KHDRBS3: variants seen among roughly 807,000 people sequenced by gnomAD.
The protein encoded by KHDRBS3 is KH domain-containing, RNA-binding, signal transduction-associated protein 3.
KHDRBS3 carries 23 observed loss-of-function variants against 45.6 expected under a neutral mutation model. The observed-to-expected ratio is 0.50, with a 90% confidence interval of 0.36 to 0.72. KHDRBS3 has a LOEUF of 0.72. Ranked by LOEUF, KHDRBS3 falls within the 30% of genes least tolerant of loss-of-function variation. The pLI, the probability that KHDRBS3 is intolerant of heterozygous loss-of-function variation, is 0.00. For missense variants in KHDRBS3, 352 were observed against 424.8 expected (o/e 0.83, Z 1.51); for synonymous variants, 162 against 156.5 (o/e 1.04, Z -0.26).
intron 1 of KHDRBS3, among the ~76,000 whole-genome samples, chr8:135,516,921 C>A (rs2317274): frequency 0.66 from 99,798 of 151,910 alleles, 33,704 homozygotes; most frequent in East Asian, 0.96. Context: ...TTTTACATTA[C>A]TAAAATTTTT....
intron 1 of KHDRBS3, among the ~76,000 whole-genome samples, chr8:135,496,747 A>G (rs1050933951): frequency 2.0e-5 from 3 of 152,336 alleles, no homozygotes; most frequent in South Asian, 2.1e-4. Context: ...TGTTAACCCA[A>G]CTGGGCCAGA....
At chr8:135,634,479 A>G (rs1830729810) in intron 7 of KHDRBS3, among the ~76,000 whole-genome samples, 1 of 152,224 alleles carries the variant, frequency 6.6e-6, no homozygotes, top group African/African-American at 2.4e-5. Context: ...TCAATGGAAA[A>G]TTATGTAAAT....
Position 135,565,682 on chromosome 8 carries a change from T to G in KHDRBS3, c.611+8095T>G, listed in dbSNP as rs572624064. ...GAATCTGTGGCTCCCTATCTCTGGC[T>G]CTCTTCCTTCTACAGTTCCTTCCTC... On this transcript the variant is annotated intron_variant, in intron 5 of 8. Transcript: ENST00000355849. Among the ~76,000 whole-genome samples the G allele has an allele frequency of 2.6e-5, 4 of 152,240 alleles. No homozygotes were observed. The East Asian group carries it at 7.8e-4, about 30-fold the overall frequency.
chr8:135,508,377 C>A (rs1235011368), intron 1 of KHDRBS3, among the ~76,000 whole-genome samples: 1 of 152,116 alleles, frequency 6.6e-6, no homozygotes, highest in Non-Finnish European at 1.5e-5. Flanking sequence ...AATCTTCACA[C>A]AAAGGAAATG....
intron 6 of KHDRBS3, among the ~76,000 whole-genome samples, chr8:135,583,934 TTTA>T (rs1281041489): frequency 1.3e-5 from 2 of 152,228 alleles, no homozygotes; most frequent in African/African-American, 2.4e-5. Flanking sequence ...GATTGTTTTA[TTTA>T]TTTTTTATTT....
chr8:135,546,916 C>G (rs1826334047), intron 3 of KHDRBS3, among the ~76,000 whole-genome samples: 1 of 152,104 alleles, frequency 6.6e-6, no homozygotes, highest in South Asian at 2.1e-4. Context: ...GATAAGAAAT[C>G]CTCTCTGTCC....
chr8:135,602,042 T>G (rs1307571793), intron 6 of KHDRBS3, among the ~76,000 whole-genome samples: 1 of 152,178 alleles, frequency 6.6e-6, no homozygotes, highest in African/African-American at 2.4e-5. Context: ...CTTACTCAGC[T>G]CCACTACTCT....
intron 1 of KHDRBS3, among the ~76,000 whole-genome samples, chr8:135,482,757 G>A (rs1314156111): frequency 6.6e-6 from 1 of 152,122 alleles, no homozygotes; most frequent in African/African-American, 2.4e-5. Context: ...ATTTGGGCAA[G>A]TTAGTCTACC....
chr8:135,648,851 T>C (rs1428446867), downstream of KHDRBS3, among the ~76,000 whole-genome samples: 1 of 152,134 alleles, frequency 6.6e-6, no homozygotes, highest in Non-Finnish European at 1.5e-5. Context: ...CAGATTACTT[T>C]CTTCAGAAAA....
intron 5 of KHDRBS3, among the ~76,000 whole-genome samples, chr8:135,565,328 T>C (rs1290778669): frequency 6.6e-6 from 1 of 152,192 alleles, no homozygotes; most frequent in Non-Finnish European, 1.5e-5. Flanking sequence ...TTTTTGAAAC[T>C]GAGATCCCTG....
intron 1 of KHDRBS3, chr8:135,458,562 C>T (rs1244723946): frequency 9.6e-6 from 3 of 311,510 alleles, no homozygotes; most frequent in African/African-American, 2.2e-5. Flanking sequence ...GTCCAGGCTC[C>T]AACAGCCCTG....
intron 3 of KHDRBS3, among the ~76,000 whole-genome samples, chr8:135,548,411 G>A (rs1296833489): frequency 6.6e-6 from 1 of 152,222 alleles, no homozygotes; most frequent in East Asian, 1.9e-4. Flanking sequence ...CACAAAAGAA[G>A]TGTGGGCAGT....
chr8:135,462,827 T>C (rs1314835566), intron 1 of KHDRBS3, among the ~76,000 whole-genome samples: 1 of 152,172 alleles, frequency 6.6e-6, no homozygotes, highest in South Asian at 2.1e-4. Flanking sequence ...TCCTACTGAC[T>C]CTCAGTAACA....
intron 1 of KHDRBS3, among the ~76,000 whole-genome samples, chr8:135,515,567 C>T (rs757868187): frequency 6.6e-6 from 1 of 151,570 alleles, no homozygotes; most frequent in Non-Finnish European, 1.5e-5. Flanking sequence ...ATATATTTAC[C>T]CTCTGGCTTT....
At chr8:135,605,375 TTGAC>T (rs1324784103) in intron 6 of KHDRBS3, among the ~76,000 whole-genome samples, 5 of 152,154 alleles carry the variant, frequency 3.3e-5, no homozygotes, top group African/African-American at 1.2e-4. Context: ...CATCTTCAAG[TTGAC>T]TGAGTTTTTT....
intron 1 of KHDRBS3, among the ~76,000 whole-genome samples, chr8:135,501,378 A>G (rs1346212591): frequency 6.6e-6 from 1 of 152,218 alleles, no homozygotes; most frequent in Non-Finnish European, 1.5e-5. Context: ...GATATGGATC[A>G]TGTTTTAGAC....
chr8:135,491,547 C>T (rs1823151124), intron 1 of KHDRBS3, among the ~76,000 whole-genome samples: 1 of 152,122 alleles, frequency 6.6e-6, no homozygotes, highest in Non-Finnish European at 1.5e-5. Context: ...TAATTTTAAA[C>T]TACATGCAAG....
intron 2 of KHDRBS3, among the ~76,000 whole-genome samples, chr8:135,536,689 G>A (rs1412505855): frequency 2.0e-5 from 3 of 151,990 alleles, no homozygotes; most frequent in Non-Finnish European, 2.9e-5. Flanking sequence ...GGCCGGGCGC[G>A]GTGGCTCACG....
chr8:135,533,807 C>T (rs887255672), intron 2 of KHDRBS3, among the ~76,000 whole-genome samples: 1 of 152,176 alleles, frequency 6.6e-6, no homozygotes, highest in Non-Finnish European at 1.5e-5. Flanking sequence ...AGCTACTGAA[C>T]ATCAAAGCTT....
Sources: allele counts gnomAD v4.1 joint callset (sites outside exome capture counted in the v4.1 genomes callset), GRCh38; gene constraint gnomAD v4.1.1; transcripts MANE v1.5; gene names NCBI Gene and HGNC (gene_info 2026-07-23, HGNC 2026-07-21).